The following ACSS1 variants were observed in gnomAD, a reference collection of about 807,000 sequenced individuals.
ACSS1 encodes the protein acetyl-coenzyme A synthetase 2-like, mitochondrial.
Under a neutral mutation model 75.3 loss-of-function variants are expected in ACSS1, and 42 were observed. That is an observed-to-expected ratio of 0.56 (90% CI 0.44 to 0.72). The LOEUF is 0.72. Among genes scored for constraint, ACSS1 ranks in the 30% least tolerant of loss-of-function variants. ACSS1 has a pLI of 0.00. For synonymous variants in ACSS1, 380 were observed against 376.8 expected (o/e 1.01, Z -0.10); for missense variants, 782 against 935.7 (o/e 0.84, Z 2.14).
At chr20:25,032,426 C>G (rs1339346637) in intron 2 of ACSS1, 2 of 1,392,678 alleles carry the variant, frequency 1.4e-6, no homozygotes, top group South Asian at 3.3e-5. Flanking sequence ...TCTTTCCTTT[C>G]GGCGCCTCAT....
At position 25,023,013 on chromosome 20, in the gene ACSS1, C is replaced by T; in HGVS notation, c.887G>A (p.Gly296Glu). 6.2e-7 allele frequency: 1 copy of T among 1,614,120 alleles called. No homozygotes were observed. The highest frequency in any genetic ancestry group is 2.2e-5 in the East Asian group (1 of 44,882). ...GATGCCCTTGGGCATTCCGGTGCTC[C>T]CTGAGGTGTACAGCATGAAGAGCAT... Reference protein sequence around the residue: ...EDMLFMLYTSGSTGMPKGIVH... With the variant: ...EDMLFMLYTSESTGMPKGIVH... Residue 296 changes from glycine (G) to glutamate (E), a missense_variant, in exon 5 of 14, where the codon GGG becomes GAG. This residue lies in a region of ACSS1 where 405 missense variants were observed against 552.6 expected (regional missense o/e 0.73). Transcript: ENST00000323482.
intron 3 of ACSS1, among the ~76,000 whole-genome samples, chr20:25,026,129 C>T (rs1181236712): frequency 6.6e-6 from 1 of 152,210 alleles, no homozygotes; most frequent in African/African-American, 2.4e-5. Flanking sequence ...CCCTGGAAGC[C>T]AGGCCAGGGG....
chr20:25,030,127 A>G (rs1179740494), intron 3 of ACSS1, among the ~76,000 whole-genome samples: 2 of 152,200 alleles, frequency 1.3e-5, no homozygotes, highest in Non-Finnish European at 2.9e-5. Flanking sequence ...AGAATTCTCA[A>G]TGGCACCTAG....
chr20:25,050,647 G>A (rs921530848), intron 1 of ACSS1, among the ~76,000 whole-genome samples: 1 of 152,076 alleles, frequency 6.6e-6, no homozygotes, highest in Non-Finnish European at 1.5e-5. Flanking sequence ...AGCAGGAAGG[G>A]CTCGAACCAC....
chr20:25,045,551 C>A (rs964012081), intron 2 of ACSS1, among the ~76,000 whole-genome samples: 3 of 152,232 alleles, frequency 2.0e-5, no homozygotes, highest in Non-Finnish European at 4.4e-5. Context: ...ACCAGCCCCA[C>A]GGGGTTTCTT....
chr20:25,007,397 ACTAG>A lies in ACSS1; in HGVS notation c.*361_*364del, dbSNP rs1387644817. ...CAGATCTGGAGAAAACACGGTTGCTACTAGCTAACTAGCTCTGTGTTATCTGAGC... is the reference window on the plus strand; with the variant it reads ...CAGATCTGGAGAAAACACGGTTGCTACTAACTAGCTCTGTGTTATCTGAGC... On this transcript the variant is annotated 3_prime_UTR_variant, in exon 14 of 14. Coordinates refer to ENST00000323482, the MANE Select transcript of ACSS1 (RefSeq NM_032501.4). The A allele has an allele frequency of 3.6e-5, 40 of 1,112,098 alleles. No homozygotes were observed. The highest frequency in any genetic ancestry group is 4.2e-5 in the Non-Finnish European group (38 of 909,782). 68.9% of individuals were successfully genotyped at this position (1,112,098 alleles called of 1,614,324 possible). A position where few individuals can be genotyped will look rare whatever the true frequency, so the allele number is the denominator to read the frequency against.
chr20:25,028,997 A>G (rs1394108078), intron 3 of ACSS1, among the ~76,000 whole-genome samples: 1 of 152,212 alleles, frequency 6.6e-6, no homozygotes, highest in Non-Finnish European at 1.5e-5. Flanking sequence ...ATAATACAGC[A>G]AAGACACAAG....
intron 2 of ACSS1, among the ~76,000 whole-genome samples, chr20:25,034,575 T>A (rs1441079079): frequency 7.0e-6 from 1 of 142,540 alleles, no homozygotes; most frequent in African/African-American, 2.7e-5. Flanking sequence ...ATATTTAACC[T>A]TTTTTTTTTT....
At chr20:25,008,608 G>A (rs1298403866) in intron 13 of ACSS1, among the ~76,000 whole-genome samples, 1 of 152,092 alleles carries the variant, frequency 6.6e-6, no homozygotes, top group Admixed American at 6.5e-5. Flanking sequence ...GTCACAGCGC[G>A]CAATGTTCAT....
chr20:25,038,898 T>C (rs1323875934), intron 2 of ACSS1, among the ~76,000 whole-genome samples: 1 of 151,980 alleles, frequency 6.6e-6, no homozygotes, highest in Non-Finnish European at 1.5e-5. Context: ...TACCCAAGCT[T>C]CTCCAGCCAT....
At chr20:25,035,092 TCA>T (rs1417837967) in intron 2 of ACSS1, among the ~76,000 whole-genome samples, 1 of 151,872 alleles carries the variant, frequency 6.6e-6, no homozygotes, top group Non-Finnish European at 1.5e-5. Flanking sequence ...AGACGGGGTT[TCA>T]CAGTGTTCAC....
At chr20:25,034,431 A>T (rs756476740) in intron 2 of ACSS1, among the ~76,000 whole-genome samples, 2 of 152,030 alleles carry the variant, frequency 1.3e-5, no homozygotes, top group Non-Finnish European at 2.9e-5. Flanking sequence ...TTTCCTCCCC[A>T]GGTTCTCTGG....
chr20:25,028,553 T>A (rs1268947258), intron 3 of ACSS1, among the ~76,000 whole-genome samples: 1 of 152,194 alleles, frequency 6.6e-6, no homozygotes, highest in African/African-American at 2.4e-5. Context: ...CTGGGACCAC[T>A]GGATAGCCAT....
chr20:25,028,691 G>A (rs1441209924), intron 3 of ACSS1, among the ~76,000 whole-genome samples: 1 of 152,186 alleles, frequency 6.6e-6, no homozygotes, highest in African/African-American at 2.4e-5. Context: ...GGAGGCCGAG[G>A]CGGGCGGATC....
chr20:25,037,940 G>A (rs977304013), intron 2 of ACSS1, among the ~76,000 whole-genome samples: 6 of 152,226 alleles, frequency 3.9e-5, no homozygotes, highest in Non-Finnish European at 5.9e-5. Context: ...AAGTCAGCTA[G>A]CAGGGCTCAT....
In ACSS1 at chr20:25,006,946, G is replaced by T; in HGVS notation, c.*816C>A. Reference sequence around the variant, plus strand: ...AGTATGTTGCCTCTCCTATCAAGAGGCATCTGGGGGCACAAAAATCTTTCT... The same window carrying T: ...AGTATGTTGCCTCTCCTATCAAGAGTCATCTGGGGGCACAAAAATCTTTCT... On this transcript the variant is annotated 3_prime_UTR_variant, in exon 14 of 14. Transcript: ENST00000323482. The T allele has an allele frequency of 6.5e-7, 1 of 1,535,322 alleles. No individual in the cohort carries two copies. The highest frequency in any genetic ancestry group is 8.7e-7 in the Non-Finnish European group (1 of 1,146,652).
intron 10 of ACSS1, among the ~76,000 whole-genome samples, chr20:25,013,144 A>C (rs2088445514): frequency 6.6e-6 from 1 of 152,244 alleles, no homozygotes; most frequent in Non-Finnish European, 1.5e-5. Context: ...AAGGTATACA[A>C]GCAGCACATC....
chr20:25,028,800 A>G (rs2088773283), intron 3 of ACSS1, among the ~76,000 whole-genome samples: 1 of 152,114 alleles, frequency 6.6e-6, no homozygotes, highest in Admixed American at 6.6e-5. Flanking sequence ...CGTGCCTGTA[A>G]TCCCAGCTAC....
intron 7 of ACSS1, among the ~76,000 whole-genome samples, chr20:25,018,098 C>A (rs1168775505): frequency 6.6e-6 from 1 of 152,234 alleles, no homozygotes; most frequent in Non-Finnish European, 1.5e-5. Flanking sequence ...CCCTCCAAAT[C>A]TCACGCTGAA....
Sources: allele counts gnomAD v4.1 joint callset (sites outside exome capture counted in the v4.1 genomes callset), GRCh38; gene constraint gnomAD v4.1.1; regional missense constraint gnomAD v4.1.1; transcripts MANE v1.5; gene names NCBI Gene and HGNC (gene_info 2026-07-23, HGNC 2026-07-21).